CDYL: variants seen among roughly 807,000 people sequenced by gnomAD.
CDYL encodes the protein chromodomain Y like.
CDYL carries 8 observed loss-of-function variants against 47.3 expected under a neutral mutation model. The ratio of observed to expected loss-of-function variants is 0.17; its 90% CI spans 0.10 to 0.31. The LOEUF (loss-of-function observed/expected upper bound fraction) is 0.31. Ranked by LOEUF, CDYL falls within the 10% of genes least tolerant of loss-of-function variation. The pLI, the probability that CDYL is intolerant of heterozygous loss-of-function variation, is 1.00. For missense variants in CDYL, 471 were observed against 701.4 expected (o/e 0.67, Z 3.71); for synonymous variants, 266 against 265.0 (o/e 1.00, Z -0.04).
chr6:4,954,257 T>G lies in CDYL; in HGVS notation c.*201T>G, dbSNP rs1023176861. 14 of 499,214 alleles carry G rather than the reference T, an allele frequency of 2.8e-5. No homozygotes were observed. Among genetic ancestry groups the G allele is most frequent in the African/African-American group, 1.7e-4 (9 of 52,438 alleles). The allele number at this position is 499,214 out of a possible 1,614,324, so 30.9% of individuals were successfully genotyped here. ...CTTTAAAATAAATAACTACAAAGCT[T>G]CTTTGTCCAAACGTCATTATTTTAT... On this transcript the variant is annotated 3_prime_UTR_variant, in exon 7 of 7. Coordinates refer to ENST00000397588, the MANE Select transcript of CDYL (RefSeq NM_004824.4).
chr6:4,772,380 CTGTT>C (rs1438593524), upstream of CDYL, among the ~76,000 whole-genome samples: 1 of 152,116 alleles, frequency 6.6e-6, no homozygotes, highest in Non-Finnish European at 1.5e-5. Context: ...GGGAAACTGA[CTGTT>C]TGGGCAGGGA....
At chr6:4,723,791 A>G (rs144835816) in intron 2 of CDYL, among the ~76,000 whole-genome samples, 44 of 152,300 alleles carry the variant, frequency 2.9e-4, no homozygotes, top group African/African-American at 1.1e-3. Flanking sequence ...TTAAAAATCT[A>G]AGGGAAACAT....
chr6:4,930,268 G>T (rs1441651226), intron 2 of CDYL, among the ~76,000 whole-genome samples: 1 of 152,214 alleles, frequency 6.6e-6, no homozygotes, highest in Non-Finnish European at 1.5e-5. Flanking sequence ...CCCTGTGCAT[G>T]CTCAGATTGG....
chr6:4,708,548 T>C (rs1407221553), intron 1 of CDYL, among the ~76,000 whole-genome samples: 3 of 152,248 alleles, frequency 2.0e-5, no homozygotes, highest in Non-Finnish European at 4.4e-5. Context: ...TTTCTATGTA[T>C]CTGATATAGC....
At chr6:4,883,217 G>C (rs1761810756) in intron 1 of CDYL, among the ~76,000 whole-genome samples, 1 of 152,136 alleles carries the variant, frequency 6.6e-6, no homozygotes. Flanking sequence ...TAGGGAAGTG[G>C]GGAGTGCATT....
intron 2 of CDYL, among the ~76,000 whole-genome samples, chr6:4,929,850 C>T (rs1201683759): frequency 6.6e-6 from 1 of 151,924 alleles, no homozygotes; most frequent in Non-Finnish European, 1.5e-5. Flanking sequence ...TTATCTTAGT[C>T]ACTGGTCCTA....
chr6:4,733,251 A>G (rs1297565474), intron 2 of CDYL: 1 of 152,224 alleles, frequency 6.6e-6, no homozygotes, highest in Non-Finnish European at 1.5e-5. Context: ...CCCCCCAGGT[A>G]GGCATGCAGT....
intron 1 of CDYL, among the ~76,000 whole-genome samples, chr6:4,842,540 T>G (rs1480657920): frequency 6.6e-6 from 1 of 152,122 alleles, no homozygotes; most frequent in African/African-American, 2.4e-5. Flanking sequence ...GTCTTCTTTA[T>G]CTACTGTTGC....
At chr6:4,854,060 G>A (rs749256161) in intron 1 of CDYL, among the ~76,000 whole-genome samples, 3 of 152,212 alleles carry the variant, frequency 2.0e-5, no homozygotes, top group Non-Finnish European at 4.4e-5. Context: ...CTTTGCACAC[G>A]TGTCCCTGGG....
chr6:4,813,799 A>G (rs1296173446), intron 1 of CDYL, among the ~76,000 whole-genome samples: 1 of 151,520 alleles, frequency 6.6e-6, no homozygotes, highest in African/African-American at 2.4e-5. Context: ...TCAAGACAGG[A>G]TCTTGCTCTG....
At chr6:4,897,412 G>C (rs1446320455) in intron 2 of CDYL, among the ~76,000 whole-genome samples, 3 of 152,222 alleles carry the variant, frequency 2.0e-5, no homozygotes, top group African/African-American at 4.8e-5. Context: ...CTAAGAGAAA[G>C]TGTTGAGGAA....
intron 2 of CDYL, among the ~76,000 whole-genome samples, chr6:4,892,938 G>A (rs942779059): frequency 2.0e-5 from 3 of 152,124 alleles, no homozygotes; most frequent in Non-Finnish European, 4.4e-5. Flanking sequence ...CACCGGTGGT[G>A]TCCTCTGTTT....
intron 2 of CDYL, among the ~76,000 whole-genome samples, chr6:4,894,906 C>T (rs190392314): frequency 0.012 from 1,639 of 137,266 alleles, 16 homozygotes; most frequent in African/African-American, 0.035. Flanking sequence ...TACACACGTA[C>T]GTGTGTATAT....
intron 4 of CDYL, 104 bp downstream of exon 4, chr6:4,937,841 T>C (rs933387486): frequency 3.7e-6 from 3 of 821,030 alleles, no homozygotes; most frequent in Non-Finnish European, 5.7e-6. Flanking sequence ...AAGATACACA[T>C]CTTCTCCCAT....
At chr6:4,807,495 T>C (rs1759403347) in intron 1 of CDYL, among the ~76,000 whole-genome samples, 1 of 151,954 alleles carries the variant, frequency 6.6e-6, no homozygotes, top group Non-Finnish European at 1.5e-5. Context: ...GCTTACCTAA[T>C]GGTGATTGTC....
chr6:4,795,989 C>T (rs1461331635), intron 1 of CDYL, among the ~76,000 whole-genome samples: 1 of 152,026 alleles, frequency 6.6e-6, no homozygotes, highest in Non-Finnish European at 1.5e-5. Flanking sequence ...GAGTCTTGCT[C>T]TGTTGCCCAG....
intron 2 of CDYL, among the ~76,000 whole-genome samples, chr6:4,908,264 T>A (rs757850655): frequency 8.5e-5 from 13 of 152,180 alleles, no homozygotes; most frequent in Non-Finnish European, 1.8e-4. Flanking sequence ...TGGCAGCACC[T>A]GGTTAACCTG....
intron 1 of CDYL, among the ~76,000 whole-genome samples, chr6:4,850,115 C>T (rs956301271): frequency 2.0e-5 from 3 of 152,108 alleles, no homozygotes; most frequent in African/African-American, 7.2e-5. Flanking sequence ...GTAACAAGGG[C>T]CTTATAATTG....
At chr6:4,706,802 A>G (rs1288650521) in intron 1 of CDYL, among the ~76,000 whole-genome samples, 2 of 152,136 alleles carry the variant, frequency 1.3e-5, no homozygotes, top group Non-Finnish European at 2.9e-5. Flanking sequence ...AAATAAAATA[A>G]AACTACAAAT....
Sources: gnomAD v4.1 joint callset for allele counts (sites outside exome capture counted in the v4.1 genomes callset) on GRCh38, gnomAD v4.1.1 for gene constraint, MANE v1.5 for transcripts, NCBI Gene and HGNC (gene_info 2026-07-23, HGNC 2026-07-21) for gene names.